Variants in DNAH5 observed in about 807,000 individuals in gnomAD.
DNAH5 encodes axonemal beta dynein heavy chain 5.
Under a neutral mutation model 518.2 loss-of-function variants are expected in DNAH5, and 372 were observed. The ratio of observed to expected loss-of-function variants is 0.72; its 90% CI spans 0.66 to 0.78. DNAH5 has a LOEUF of 0.78. Ranked by LOEUF, DNAH5 falls within the 30% of genes least tolerant of loss-of-function variation. The pLI is 0.00. For missense variants in DNAH5, 5,523 were observed against 5,687.0 expected (o/e 0.97, Z 0.93); for synonymous variants, 2,039 against 2,025.9 (o/e 1.01, Z -0.17).
intron 25 of DNAH5, 94 bp from the exon 26 acceptor site, chr5:13,866,376 A>C: frequency 9.9e-7 from 1 of 1,014,796 alleles, no homozygotes; most frequent in Non-Finnish European, 1.5e-6. Context: ...GTTAGGTTTC[A>C]TGCATGATAG....
At chr5:13,808,915 G>A (rs1307342866) in intron 46 of DNAH5, 129 bp downstream of exon 46, 8 of 1,092,066 alleles carry the variant, frequency 7.3e-6, no homozygotes, top group South Asian at 4.0e-5. Context: ...AGCCGAGATC[G>A]CGCCACTGCA....
At chr5:13,705,991 A>G (rs553322065) in intron 76 of DNAH5, among the ~76,000 whole-genome samples, 1 of 152,336 alleles carries the variant, frequency 6.6e-6, no homozygotes, top group Admixed American at 6.5e-5. Context: ...TGCCACCTCC[A>G]GAATTGCAAG....
chr5:13,846,082 A>G (rs918860258), intron 31 of DNAH5, among the ~76,000 whole-genome samples: 2 of 149,974 alleles, frequency 1.3e-5, no homozygotes, highest in Non-Finnish European at 3.0e-5. Context: ...CAAATGATCC[A>G]TCTGCCTCAA....
intron 62 of DNAH5, 122 bp downstream of exon 62, chr5:13,754,081 G>T: frequency 8.7e-7 from 1 of 1,153,530 alleles, no homozygotes; most frequent in Non-Finnish European, 1.3e-6. Flanking sequence ...ACAATGTGCG[G>T]GTTTGTTACA....
At chr5:13,974,100 C>A (rs1782061616) in intron 1 of DNAH5, among the ~76,000 whole-genome samples, 1 of 150,110 alleles carries the variant, frequency 6.7e-6, no homozygotes, top group Admixed American at 6.6e-5. Flanking sequence ...ACATCATTTT[C>A]TTTTGTCTTT....
intron 68 of DNAH5, among the ~76,000 whole-genome samples, chr5:13,734,457 G>A (rs1747060922): frequency 6.6e-6 from 1 of 152,082 alleles, no homozygotes; most frequent in Non-Finnish European, 1.5e-5. Context: ...AATGGCCCAG[G>A]GGACACGGCT....
At chr5:13,903,533 C>T (rs1181010024) in intron 12 of DNAH5, among the ~76,000 whole-genome samples, 1 of 150,470 alleles carries the variant, frequency 6.6e-6, no homozygotes, top group African/African-American at 2.4e-5. Context: ...CAGAAAGATG[C>T]CAAAGGTAAA....
intron 15 of DNAH5, among the ~76,000 whole-genome samples, chr5:13,895,373 A>G (rs1350630104): frequency 1.3e-5 from 2 of 152,206 alleles, no homozygotes; most frequent in Non-Finnish European, 2.9e-5. Flanking sequence ...CACCTCCTAC[A>G]CAGCCTAAAA....
chr5:14,005,392 C>G (rs1446936010), intron 1 of DNAH5, among the ~76,000 whole-genome samples: 3 of 152,226 alleles, frequency 2.0e-5, no homozygotes, highest in African/African-American at 7.2e-5. Flanking sequence ...AGGGCAGGTA[C>G]TTGTCCATCT....
At chr5:13,967,559 T>C (rs901702015) in intron 1 of DNAH5, among the ~76,000 whole-genome samples, 1 of 152,242 alleles carries the variant, frequency 6.6e-6, no homozygotes, top group African/African-American at 2.4e-5. Flanking sequence ...ACCAGTACCA[T>C]GCTGATTTGA....
At chr5:13,871,999 T>C (rs1770178334) in intron 22 of DNAH5, among the ~76,000 whole-genome samples, 1 of 152,168 alleles carries the variant, frequency 6.6e-6, no homozygotes, top group South Asian at 2.1e-4. Context: ...AGAGGAGCAG[T>C]TTCTAGAAAC....
intron 35 of DNAH5, among the ~76,000 whole-genome samples, chr5:13,834,169 T>C (rs1310530958): frequency 6.6e-6 from 1 of 152,172 alleles, no homozygotes; most frequent in Non-Finnish European, 1.5e-5. Context: ...ACAGACAAAC[T>C]TCAGAATCCC....
At chr5:13,989,212 T>C (rs1393014950) in intron 1 of DNAH5, among the ~76,000 whole-genome samples, 3 of 152,120 alleles carry the variant, frequency 2.0e-5, no homozygotes, top group African/African-American at 2.4e-5. Flanking sequence ...AACTATTTCT[T>C]TCTAATGATT....
chr5:13,703,477 C>A (rs1281734639), intron 76 of DNAH5, among the ~76,000 whole-genome samples: 1 of 152,144 alleles, frequency 6.6e-6, no homozygotes, highest in Non-Finnish European at 1.5e-5. Context: ...CCATAGACTA[C>A]CTTTATTTAC....
rs140388814 is a variant in DNAH5, at chr5:13,914,588, C to T, written c.1252G>A (p.Ala418Thr). The change falls in exon 10 of 79, where the codon GCT (alanine) becomes ACT (threonine). Residue 418 changes from alanine to threonine, a missense_variant. Ala to Thr is a moderately conservative substitution (Grantham distance 58). This residue lies in a region of DNAH5 where 5,121 missense variants were observed against 5,223.3 expected (regional missense o/e 0.98). Coordinates refer to ENST00000265104, the MANE Select transcript of DNAH5 (RefSeq NM_001369.3). ...TCCTGTGGCTGGTTCCAGATGGAAG[C>T]GGTTCCATTATTGGTAATATAGGCT... is the stretch of plus-strand genomic sequence containing the variant. ...CKAYITNNGT[A>T]SIWNQPQDVV... The T allele has an allele frequency of 5.8e-5, 93 of 1,613,200 alleles. No individual in the cohort carries two copies. In the Middle Eastern group the frequency reaches 1.8e-3, roughly 32 times the overall value.
At position 13,777,261 on chromosome 5, in the gene DNAH5, T is replaced by C. The variant is rs1480604453; in HGVS notation, c.9046A>G (p.Asn3016Asp). The C allele has an allele frequency of 6.2e-7, 1 of 1,613,166 alleles. No individual in the cohort carries two copies. Among genetic ancestry groups the C allele is most frequent in the Non-Finnish European group, 8.5e-7 (1 of 1,179,424 alleles). Reference sequence around the variant, plus strand: ...AAAAATGACTCATCTTTAATCTCATTGTCTGTGAAAATAAAAGTGATTCCT... The same window carrying C: ...AAAAATGACTCATCTTTAATCTCATCGTCTGTGAAAATAAAAGTGATTCCT... Reference protein sequence around the residue: ...GKGITFIFTDNEIKDESFLEY... With the variant: ...GKGITFIFTDDEIKDESFLEY... Residue 3016 changes from asparagine to aspartate, a missense_variant, in exon 54 of 79, where the codon AAT becomes GAT. Around this residue, in one of 3 missense-constraint regions of DNAH5, gnomAD observed 5,121 missense variants for 5,223.3 expected, o/e 0.98. Transcript: ENST00000265104.
Position 13,931,189 on chromosome 5 carries a change from T to C in DNAH5, c.113A>G (p.Asn38Ser), listed in dbSNP as rs1163468590. ...GGAAGCCACAATTGCAAATAAGTAG[T>C]TATGCCTCGCATCCAAAAGAGCCCG... ...AKRALLDARH[N>S]YLFAIVASCL... Residue 38 changes from asparagine to serine, a missense_variant, in exon 2 of 79, where the codon AAC becomes AGC. Transcript: ENST00000265104. 2 of 1,614,026 alleles carry C rather than the reference T, an allele frequency of 1.2e-6. No homozygotes were observed. The highest frequency in any genetic ancestry group is 1.7e-6 in the Non-Finnish European group (2 of 1,179,978).
Position 13,891,150 on chromosome 5 carries a change from G to A in DNAH5, c.2432-29C>T, listed in dbSNP as rs755741711. ...TGGGAAAAAATAAAAGTAAATAAAAGAGATTAGGTAAAGCATTTTGTTTTT... is the reference window on the plus strand; with the variant it reads ...TGGGAAAAAATAAAAGTAAATAAAAAAGATTAGGTAAAGCATTTTGTTTTT... On this transcript the variant is annotated intron_variant, in intron 16 of 78. Transcript: ENST00000265104. The A allele has an allele frequency of 2.4e-5, 38 of 1,612,682 alleles. No individual in the cohort carries two copies. In the East Asian group the frequency reaches 8.5e-4, roughly 36 times the overall value.
At chr5:13,842,687 A>G (rs1765452302) in intron 32 of DNAH5, among the ~76,000 whole-genome samples, 1 of 152,154 alleles carries the variant, frequency 6.6e-6, no homozygotes, top group Non-Finnish European at 1.5e-5. Context: ...GACGTGATCT[A>G]CCAAAAAGCT....
Sources: allele counts gnomAD v4.1 joint callset (sites outside exome capture counted in the v4.1 genomes callset), GRCh38; gene constraint gnomAD v4.1.1; regional missense constraint gnomAD v4.1.1; transcripts MANE v1.5; gene names NCBI Gene and HGNC (gene_info 2026-07-23, HGNC 2026-07-21).